Variants in ALG6 observed in about 807,000 individuals in gnomAD.
The protein encoded by ALG6 is ALG6 alpha-1,3-glucosyltransferase.
In ALG6, 46 loss-of-function variants were observed where a neutral mutation model predicts 66.6. The observed-to-expected ratio is 0.69, with a 90% CI of 0.55 to 0.88. ALG6 has a LOEUF of 0.88. ALG6 is among the 40% of genes least tolerant of loss of function. The probability of loss-of-function intolerance (pLI) is 0.00; values close to 1 mark genes in which losing one functional copy is unlikely to be tolerated. For synonymous variants in ALG6, 185 were observed against 203.7 expected, an observed-to-expected ratio of 0.91 and a Z score of 0.78; for missense variants, 505 against 586.8, an observed-to-expected ratio of 0.86 and a Z score of 1.44.
At chr1:63,417,191 T>TTC (rs1181555718) in intron 11 of ALG6, among the ~76,000 whole-genome samples, 1 of 152,216 alleles carries the variant, frequency 6.6e-6, no homozygotes, top group Non-Finnish European at 1.5e-5. Flanking sequence ...CTCTGATGTC[T>TTC]TCACTAGGCT....
chr1:63,394,226 CTA>C (rs1186517213), intron 2 of ALG6, among the ~76,000 whole-genome samples: 9 of 152,188 alleles, frequency 5.9e-5, no homozygotes, highest in African/African-American at 1.7e-4. Flanking sequence ...ATATTTGACT[CTA>C]TGTGATTTTT....
intron 12 of ALG6, among the ~76,000 whole-genome samples, chr1:63,423,755 G>GT (rs151320368): frequency 0.012 from 1,895 of 152,232 alleles, 33 homozygotes; most frequent in African/African-American, 0.043. Flanking sequence ...TGGACATTGG[G>GT]TTGTTACCAT....
At chr1:63,375,039 C>G (rs1227167247) in intron 2 of ALG6, among the ~76,000 whole-genome samples, 2 of 152,004 alleles carry the variant, frequency 1.3e-5, no homozygotes, top group African/African-American at 4.8e-5. Context: ...GTGAAACCCC[C>G]TTTACAAAAA....
At chr1:63,377,301 G>A (rs11208199) in intron 2 of ALG6, among the ~76,000 whole-genome samples, 52,425 of 151,950 alleles carry the variant, frequency 0.35, 9,480 homozygotes, top group East Asian at 0.62. Flanking sequence ...TTTGTTTACA[G>A]TAATGCTTTT....
intron 12 of ALG6, among the ~76,000 whole-genome samples, chr1:63,426,896 A>C (rs935585878): frequency 2.6e-5 from 4 of 152,044 alleles, no homozygotes; most frequent in African/African-American, 9.7e-5. Flanking sequence ...TGAATGCATA[A>C]ATGGGAAAGA....
chr1:63,373,424 A>C (rs766963558), intron 2 of ALG6, among the ~76,000 whole-genome samples: 1 of 151,576 alleles, frequency 6.6e-6, no homozygotes, highest in Admixed American at 6.6e-5. Flanking sequence ...GCAACATGGC[A>C]AAACCCCGTC....
chr1:63,396,947 A>G (rs1648842324), intron 3 of ALG6, among the ~76,000 whole-genome samples: 1 of 152,200 alleles, frequency 6.6e-6, no homozygotes. Context: ...AAAGATCACT[A>G]TGATTGTAAC....
At chr1:63,368,479 A>T (rs1647801659) in intron 1 of ALG6, among the ~76,000 whole-genome samples, 1 of 151,110 alleles carries the variant, frequency 6.6e-6, no homozygotes, top group African/African-American at 2.4e-5. Flanking sequence ...TAGTCAACAC[A>T]TCCAAGTAAT....
intron 2 of ALG6, among the ~76,000 whole-genome samples, chr1:63,374,497 G>C (rs1227971518): frequency 6.6e-6 from 1 of 151,948 alleles, no homozygotes; most frequent in East Asian, 1.9e-4. Context: ...GTGTGGTGGC[G>C]GGTGCCTGTA....
chr1:63,420,203 T>C (rs1052346498), intron 12 of ALG6, among the ~76,000 whole-genome samples: 14 of 152,110 alleles, frequency 9.2e-5, no homozygotes, highest in Non-Finnish European at 1.3e-4. Context: ...GTGGAAGGCT[T>C]CTTGGCTCTA....
intron 7 of ALG6, among the ~76,000 whole-genome samples, chr1:63,408,197 T>G (rs889746186): frequency 2.6e-5 from 4 of 152,192 alleles, no homozygotes; most frequent in Non-Finnish European, 4.4e-5. Flanking sequence ...ATGGTACCCC[T>G]GAACTAACTA....
At chr1:63,368,675 ATTT>A (rs1023873910) in intron 1 of ALG6, among the ~76,000 whole-genome samples, 5 of 151,730 alleles carry the variant, frequency 3.3e-5, no homozygotes, top group African/African-American at 1.2e-4. Flanking sequence ...TAATTTTTGT[ATTT>A]TTAGTAGAGA....
chr1:63,434,232 T>C (rs1644664669), intron 14 of ALG6, among the ~76,000 whole-genome samples: 1 of 152,050 alleles, frequency 6.6e-6, no homozygotes, highest in Admixed American at 6.6e-5. Flanking sequence ...GTGGAAGTGG[T>C]TAGAAATGGT....
chr1:63,427,691 T>TCAAAGAAGGAGCATTG (rs1191381346), intron 12 of ALG6, among the ~76,000 whole-genome samples: 23 of 151,850 alleles, frequency 1.5e-4, no homozygotes, highest in African/African-American at 5.3e-4. Context: ...CTAGCAATGC[T>TCAAAGAAGGAGCATTG]CCTTCTTTGA....
chr1:63,377,039 G>A (rs1648155980), intron 2 of ALG6, among the ~76,000 whole-genome samples: 1 of 151,802 alleles, frequency 6.6e-6, no homozygotes, highest in South Asian at 2.1e-4. Flanking sequence ...TCAGCTTACT[G>A]CAACCTCTGC....
Position 63,397,526 on chromosome 1 carries a change from C to G in ALG6, c.167+929C>G, listed in dbSNP as rs187955836. Among the ~76,000 whole-genome samples the G allele has an allele frequency of 4.9e-3, 733 of 148,344 alleles. 2 individuals are homozygous for G. The highest frequency in any genetic ancestry group is 8.3e-3 in the Non-Finnish European group (559 of 67,520). On this transcript the variant is annotated intron_variant, in intron 3 of 14. Coordinates refer to ENST00000263440, the MANE Select transcript of ALG6 (RefSeq NM_013339.4). ...TATGGTCTCATTTCCATAGCTTTCTCTTTGTATTATGAAGGAGGAGGTCAG... is the reference window on the plus strand; with the variant it reads ...TATGGTCTCATTTCCATAGCTTTCTGTTTGTATTATGAAGGAGGAGGTCAG...
At chr1:63,417,847 T>TA (rs1644552683) in intron 11 of ALG6, among the ~76,000 whole-genome samples, 1 of 151,918 alleles carries the variant, frequency 6.6e-6, no homozygotes. Context: ...ATGAAGAAAG[T>TA]AGTGTTGGCC....
rs111623663 is a variant in ALG6, at chr1:63,390,526, G to A, written c.83-5987G>A. On this transcript the variant is annotated intron_variant, in intron 2 of 14. Transcript: ENST00000263440. Reference sequence around the variant, plus strand: ...CTTAGCTGGTGTCTTACTAGGTCATGTGCACCCCCAGTCCACTGCGTCTGA... The same window carrying A: ...CTTAGCTGGTGTCTTACTAGGTCATATGCACCCCCAGTCCACTGCGTCTGA... Among the ~76,000 whole-genome samples the A allele has an allele frequency of 2.8e-3, 421 of 152,214 alleles. 4 individuals carry two copies. The highest frequency in any genetic ancestry group is 9.3e-3 in the African/African-American group (386 of 41,530).
chr1:63,415,743 A>G, intron 10 of ALG6, 130 bp from the exon 11 acceptor site: 1 of 573,974 alleles, frequency 1.7e-6, no homozygotes, highest in South Asian at 2.7e-5. Context: ...TTAATAAATA[A>G]AAATATAGTT....
Sources: allele counts gnomAD v4.1 joint callset (sites outside exome capture counted in the v4.1 genomes callset), GRCh38; gene constraint gnomAD v4.1.1; transcripts MANE v1.5; gene names NCBI Gene and HGNC (gene_info 2026-07-23, HGNC 2026-07-21).